The following MCF2L variants were observed in gnomAD, a reference collection of about 807,000 sequenced individuals.
MCF2L encodes guanine nucleotide exchange factor DBS.
Under a neutral mutation model 153.4 loss-of-function variants are expected in MCF2L, and 97 were observed. That is an observed-to-expected ratio of 0.63 (90% CI 0.54 to 0.75). The LOEUF (loss-of-function observed/expected upper bound fraction) is 0.75. Among genes scored for constraint, MCF2L ranks in the 30% least tolerant of loss-of-function variants. The pLI is 0.00. For synonymous variants in MCF2L, 659 were observed against 632.2 expected (o/e 1.04, Z -0.64); for missense variants, 1,347 against 1,495.2 (o/e 0.90, Z 1.64).
chr13:113,060,286 C>T (rs1273027779), intron 4 of MCF2L, among the ~76,000 whole-genome samples: 1 of 152,228 alleles, frequency 6.6e-6, no homozygotes, highest in East Asian at 1.9e-4. Context: ...AGTTAGGCTT[C>T]GACATCATAA....
intron 2 of MCF2L, among the ~76,000 whole-genome samples, chr13:112,923,420 C>A (rs533203764): frequency 6.6e-6 from 1 of 151,760 alleles, no homozygotes; most frequent in East Asian, 1.9e-4. Context: ...CCCGCCACCA[C>A]GCCTGGCTAA....
upstream of MCF2L, chr13:112,965,302 C>T (rs903822960): frequency 6.6e-6 from 1 of 152,256 alleles, no homozygotes; most frequent in Non-Finnish European, 1.5e-5. Context: ...AGGTGCCCTC[C>T]CGTCACCACA....
intron 3 of MCF2L, among the ~76,000 whole-genome samples, chr13:113,030,714 T>C (rs2085632198): frequency 6.6e-6 from 1 of 152,204 alleles, no homozygotes; most frequent in South Asian, 2.1e-4. Context: ...CTACTCCTAA[T>C]GGAGCTCCAT....
rs2085416464 is a variant in MCF2L at position 113,027,958 on chromosome 13, G to A, written c.278+3200G>A. ...GTCTGTCACCTGCACAGGAGGAAGG[G>A]CCTGTGTCCCAGGGGACGGCCGGCC... On this transcript the variant is annotated intron_variant, in intron 3 of 29. Coordinates refer to ENST00000535094, the MANE Select transcript of MCF2L (RefSeq NM_001112732.3). This position sits in a 1 kb window ranked among gnomAD's most constrained non-coding sequence, Gnocchi z 4.8. Among the ~76,000 whole-genome samples, 2 of 152,208 alleles carry A rather than the reference G, an allele frequency of 1.3e-5. No individual in the cohort carries two copies. Among genetic ancestry groups the A allele is most frequent in the Admixed American group, 6.5e-5 (1 of 15,292 alleles).
At chr13:113,086,049 C>G in intron 20 of MCF2L, 75 bp from the exon 21 acceptor site, 1 of 1,499,172 alleles carries the variant, frequency 6.7e-7, no homozygotes, top group South Asian at 1.3e-5. Context: ...TCGTGCCAAG[C>G]TCCTGAGGGG....
intron 2 of MCF2L, among the ~76,000 whole-genome samples, chr13:112,905,192 T>C (rs1199997696): frequency 1.3e-5 from 2 of 152,244 alleles, no homozygotes; most frequent in Non-Finnish European, 2.9e-5. Context: ...CTCACTCTTC[T>C]GGTCGCTGCA....
chr13:112,923,208 C>T (rs9604001), intron 2 of MCF2L, among the ~76,000 whole-genome samples: 11,438 of 148,896 alleles, frequency 0.077, 537 homozygotes, highest in South Asian at 0.14. Flanking sequence ...TCAGAGAGTA[C>T]GTGACAGACA....
chr13:113,031,146 G>T lies in MCF2L; in HGVS notation c.278+6388G>T, dbSNP rs547840125. Among the ~76,000 whole-genome samples the T allele has an allele frequency of 4.6e-4, 69 of 150,530 alleles. No individual in the cohort carries two copies. The highest frequency in any genetic ancestry group is 1.7e-3 in the African/African-American group (69 of 40,848). On this transcript the variant is annotated intron_variant, in intron 3 of 29. Coordinates refer to ENST00000535094, the MANE Select transcript of MCF2L (RefSeq NM_001112732.3). This position sits in a 1 kb window ranked among gnomAD's most constrained non-coding sequence, Gnocchi z 5.5. ...AGTGACAGAGAGACAGACAGAGACA[G>T]AGAGAGACAGAGAGAAGAGACAGAG...
chr13:112,981,243 C>T (rs1207695190), intron 1 of MCF2L, among the ~76,000 whole-genome samples: 1 of 152,196 alleles, frequency 6.6e-6, no homozygotes, highest in Non-Finnish European at 1.5e-5. Context: ...TACATAAGGA[C>T]CCCCAAGATG....
In MCF2L at chr13:113,044,954, G is replaced by A. The variant is rs1476621284; in HGVS notation, c.279-317G>A. The A allele has an allele frequency of 1.3e-5, 20 of 1,581,462 alleles. No individual in the cohort carries two copies. In the East Asian group the frequency reaches 2.1e-4, roughly 16 times the overall value. On this transcript the variant is annotated intron_variant, in intron 3 of 29. Transcript: ENST00000535094. ...GTCACCCAGGAAAGGAAAATGACTCGGCTCTTACTGTGGAATAGCAAATGA... is the reference window on the plus strand; with the variant it reads ...GTCACCCAGGAAAGGAAAATGACTCAGCTCTTACTGTGGAATAGCAAATGA...
intron 7 of MCF2L, 84 bp downstream of exon 7, chr13:113,065,169 G>A (rs1291047802): frequency 3.9e-6 from 6 of 1,536,782 alleles, no homozygotes; most frequent in African/African-American, 1.4e-5. Context: ...GAAGCTGCGG[G>A]GGGTCTTTCG....
intron 1 of MCF2L, among the ~76,000 whole-genome samples, chr13:113,010,598 G>A (rs2084027265): frequency 6.6e-6 from 1 of 152,156 alleles, no homozygotes. Flanking sequence ...ATGGGCAGGG[G>A]CAGGCCTGGC....
In MCF2L at chr13:113,014,848, T is replaced by C. The variant is rs1384328190; in HGVS notation, c.163+2T>C. 1 of 1,613,530 alleles carries C rather than the reference T, an allele frequency of 6.2e-7. No homozygotes were observed. Among genetic ancestry groups the C allele is most frequent in the Admixed American group, 1.7e-5 (1 of 59,996 alleles). On this transcript the variant is annotated splice_donor_variant, in intron 2 of 29. Transcript: ENST00000535094. LOFTEE classifies it high-confidence loss of function. The stretch of plus-strand genomic sequence containing the variant: ...AGAAGCGCTTTGCTTACCTGTCCGG[T>C]GAGTTCCAGAAGCTGGGATGGGGTG...
chr13:112,926,892 T>C (rs1303479033), intron 2 of MCF2L, among the ~76,000 whole-genome samples: 1 of 152,150 alleles, frequency 6.6e-6, no homozygotes, highest in African/African-American at 2.4e-5. Flanking sequence ...TAAGAGTAGA[T>C]TTAAGTGTTC....
intron 2 of MCF2L, among the ~76,000 whole-genome samples, chr13:112,948,261 A>T (rs913580157): frequency 6.6e-6 from 1 of 152,192 alleles, no homozygotes; most frequent in African/African-American, 2.4e-5. Context: ...AGTAGGCCAC[A>T]CTGTTGGTTT....
chr13:113,058,537 G>A (rs561019530), intron 4 of MCF2L, among the ~76,000 whole-genome samples: 2 of 149,840 alleles, frequency 1.3e-5, no homozygotes, highest in South Asian at 2.2e-4. Flanking sequence ...GTGTTTTGGC[G>A]CTGTGTGGGT....
intron 1 of MCF2L, chr13:112,985,085 G>T: frequency 4.2e-6 from 1 of 236,020 alleles, no homozygotes; most frequent in South Asian, 4.8e-5. Flanking sequence ...CCTTGTGCCT[G>T]GACCCAAGGC....
intron 1 of MCF2L, among the ~76,000 whole-genome samples, chr13:112,997,184 C>T (rs1315450294): frequency 6.6e-6 from 1 of 152,232 alleles, no homozygotes; most frequent in Non-Finnish European, 1.5e-5. Flanking sequence ...CATCGAGAGC[C>T]TCGGGTGAGT....
intron 1 of MCF2L, among the ~76,000 whole-genome samples, chr13:112,992,346 G>T (rs1186293522): frequency 6.6e-6 from 1 of 152,206 alleles, no homozygotes; most frequent in African/African-American, 2.4e-5. Flanking sequence ...GGAGCCAATG[G>T]ATGTATACCT....
Sources: allele counts gnomAD v4.1 joint callset (sites outside exome capture counted in the v4.1 genomes callset), GRCh38; gene constraint gnomAD v4.1.1; non-coding constraint Gnocchi (gnomAD v3.1); transcripts MANE v1.5; gene names NCBI Gene and HGNC (gene_info 2026-07-23, HGNC 2026-07-21).